SOCS5: variants seen among roughly 807,000 people sequenced by gnomAD.
SOCS5 encodes CIS-6.
A neutral mutation model predicts 42.8 loss-of-function variants in SOCS5; 32 were observed. The ratio of observed to expected loss-of-function variants is 0.75; its 90% confidence interval spans 0.56 to 1.01. The LOEUF is 1.01. SOCS5 is among the 50% of genes least tolerant of loss of function. The probability of loss-of-function intolerance (pLI) is 0.00; values close to 1 mark genes in which losing one functional copy is unlikely to be tolerated. For synonymous variants in SOCS5, 283 were observed against 229.6 expected, an observed-to-expected ratio of 1.23 and a Z score of -2.10; for missense variants, 627 against 653.0, an observed-to-expected ratio of 0.96 and a Z score of 0.43.
intron 1 of SOCS5, among the ~76,000 whole-genome samples, chr2:46,731,060 A>G (rs1160658797): frequency 6.6e-6 from 1 of 152,208 alleles, no homozygotes; most frequent in African/African-American, 2.4e-5. Context: ...CTGCATTAGC[A>G]AGATGCGTAC....
chr2:46,747,310 T>A (rs929534550), intron 1 of SOCS5, among the ~76,000 whole-genome samples: 3 of 152,092 alleles, frequency 2.0e-5, no homozygotes, highest in South Asian at 4.1e-4. Context: ...AGCCTTTACC[T>A]CCTGGGCTCA....
chr2:46,744,116 A>G (rs1464177252), intron 1 of SOCS5, among the ~76,000 whole-genome samples: 3 of 151,790 alleles, frequency 2.0e-5, no homozygotes, highest in African/African-American at 4.8e-5. Context: ...CAGCCTCCCT[A>G]GTAGCTGGGA....
At chr2:46,752,832 C>T (rs1007807690) in intron 1 of SOCS5, among the ~76,000 whole-genome samples, 5 of 152,206 alleles carry the variant, frequency 3.3e-5, no homozygotes, top group South Asian at 2.1e-4. Context: ...CTCTCTGAAA[C>T]AGCATCTCTA....
chr2:46,726,028 G>C (rs986127032), intron 1 of SOCS5, among the ~76,000 whole-genome samples: 3 of 151,122 alleles, frequency 2.0e-5, no homozygotes, highest in African/African-American at 7.3e-5. Flanking sequence ...AAAATTTTTC[G>C]TTTTTATTTT....
chr2:46,735,607 C>G (rs1673225800), intron 1 of SOCS5, among the ~76,000 whole-genome samples: 1 of 151,832 alleles, frequency 6.6e-6, no homozygotes, highest in African/African-American at 2.4e-5. Flanking sequence ...TTAACAGAGA[C>G]TGTGTTTTTC....
upstream of SOCS5, chr2:46,699,115 G>A (rs1672280454): frequency 6.5e-6 from 1 of 153,022 alleles, no homozygotes; most frequent in South Asian, 2.1e-4. This position sits in a 1 kb window ranked among gnomAD's most constrained non-coding sequence, Gnocchi z 4.8. Flanking sequence ...GGTCACGGTA[G>A]GCTGCCCTTC....
intron 1 of SOCS5, among the ~76,000 whole-genome samples, chr2:46,737,593 C>T (rs1673281402): frequency 6.6e-6 from 1 of 151,952 alleles, no homozygotes; most frequent in Admixed American, 6.6e-5. Context: ...GGCATATAGC[C>T]CAAATTAGCA....
At chr2:46,739,186 A>G (rs1252740822) in intron 1 of SOCS5, among the ~76,000 whole-genome samples, 1 of 152,178 alleles carries the variant, frequency 6.6e-6, no homozygotes, top group Non-Finnish European at 1.5e-5. Context: ...AAACATACAT[A>G]ACCATATGGA....
chr2:46,745,420 A>G (rs149835295), intron 1 of SOCS5, among the ~76,000 whole-genome samples: 1 of 152,342 alleles, frequency 6.6e-6, no homozygotes, highest in African/African-American at 2.4e-5. Context: ...AATTGAACAT[A>G]AAATTGTACC....
At position 46,762,667 on chromosome 2, in the gene SOCS5, C is replaced by T. The variant is rs1480185021; in HGVS notation, c.*2526C>T. On this transcript the variant is annotated 3_prime_UTR_variant, in exon 2 of 2. Transcript: ENST00000394861. The stretch of plus-strand genomic sequence containing the variant: ...GAAAAATCACCAGCATGAACTTGCA[C>T]CTAAGTCTATATTCACTGTGTCCTT... 6.0e-6 allele frequency: 1 copy of T among 166,100 alleles called. No individual in the cohort carries two copies. Among genetic ancestry groups the T allele is most frequent in the Non-Finnish European group, 1.5e-5 (1 of 68,090 alleles). 10.3% of individuals were successfully genotyped at this position (166,100 alleles called of 1,614,324 possible). A position where few individuals can be genotyped will look rare whatever the true frequency, so the allele number is the denominator to read the frequency against.
rs1672456995 is a variant in SOCS5 at position 46,706,050 on chromosome 2, T to A, written c.-13+6601T>A. On this transcript the variant is annotated intron_variant, in intron 1 of 1. Transcript: ENST00000394861. The stretch of plus-strand genomic sequence containing the variant: ...TTGTGGTTGTTGCCGGGCCAGAAAG[T>A]CCAAGAATATGTTAAACATTGTTGG... 2.6e-5 allele frequency among the ~76,000 whole-genome samples: 4 copies of A among 152,192 alleles called. No individual in the cohort carries two copies. The South Asian group carries it at 8.3e-4, about 31-fold the overall frequency.
chr2:46,722,830 A>G (rs771726236), intron 1 of SOCS5, among the ~76,000 whole-genome samples: 1 of 152,102 alleles, frequency 6.6e-6, no homozygotes, highest in Non-Finnish European at 1.5e-5. Flanking sequence ...CATCCTTGTC[A>G]GCATTTTGTG....
intron 1 of SOCS5, among the ~76,000 whole-genome samples, chr2:46,704,303 G>C (rs1488112883): frequency 6.6e-6 from 1 of 152,160 alleles, no homozygotes; most frequent in Non-Finnish European, 1.5e-5. Flanking sequence ...CAGTATCCTT[G>C]AGTTAGAAGT....
intron 1 of SOCS5, among the ~76,000 whole-genome samples, chr2:46,719,170 T>G (rs1305003211): frequency 6.6e-6 from 1 of 152,200 alleles, no homozygotes; most frequent in African/African-American, 2.4e-5. Flanking sequence ...TAAGAGCTTT[T>G]GGATTTTGAG....
chr2:46,728,925 A>G (rs866318247), intron 1 of SOCS5, among the ~76,000 whole-genome samples: 8 of 152,344 alleles, frequency 5.3e-5, no homozygotes, highest in Middle Eastern at 3.4e-3. Flanking sequence ...AAAGTGTGGT[A>G]CCAGGGCTAG....
chr2:46,745,058 C>T (rs1302225064), intron 1 of SOCS5, among the ~76,000 whole-genome samples: 4 of 151,954 alleles, frequency 2.6e-5, no homozygotes, highest in Admixed American at 1.3e-4. Flanking sequence ...TTTTTACCCA[C>T]TATGCTTCAA....
Position 46,760,231 on chromosome 2 carries a change from C to A in SOCS5, c.*90C>A. On this transcript the variant is annotated 3_prime_UTR_variant, in exon 2 of 2. Coordinates refer to ENST00000394861, the MANE Select transcript of SOCS5 (RefSeq NM_144949.3). ...AGCAAGCACACGTAGCAGTGTTAGG[C>A]TTTTTCATACAGTATGTAAGCTTAG... is the stretch of plus-strand genomic sequence containing the variant. 3 of 892,422 alleles carry A rather than the reference C, an allele frequency of 3.4e-6. No homozygotes were observed. Among genetic ancestry groups the A allele is most frequent in the Non-Finnish European group, 5.3e-6 (3 of 569,370 alleles). The allele number at this position is 892,422 out of a possible 1,614,324, so 55.3% of individuals were successfully genotyped here. A position where few individuals can be genotyped will look rare whatever the true frequency, so the allele number is the denominator to read the frequency against.
chr2:46,733,053 G>C (rs1558406723), intron 1 of SOCS5, among the ~76,000 whole-genome samples: 2 of 151,614 alleles, frequency 1.3e-5, no homozygotes, highest in African/African-American at 4.9e-5. Flanking sequence ...TCAAAGGCCT[G>C]TTTACATACT....
chr2:46,740,531 A>G (rs1008827466), intron 1 of SOCS5, among the ~76,000 whole-genome samples: 2 of 152,210 alleles, frequency 1.3e-5, no homozygotes, highest in African/African-American at 2.4e-5. Context: ...TGAAAAATCA[A>G]GAGAGAGATA....
Sources: gnomAD v4.1 joint callset for allele counts (sites outside exome capture counted in the v4.1 genomes callset) on GRCh38, gnomAD v4.1.1 for gene constraint, Gnocchi (gnomAD v3.1) non-coding constraint, MANE v1.5 for transcripts, NCBI Gene and HGNC (gene_info 2026-07-23, HGNC 2026-07-21) for gene names.